RNF125: variants seen among roughly 807,000 people sequenced by gnomAD.
RNF125 encodes the protein ring finger protein 125, also known as E3 ubiquitin-protein ligase RNF125.
Under a neutral mutation model 26.0 loss-of-function variants are expected in RNF125, and 21 were observed. The observed-to-expected ratio is 0.81, with a 90% CI of 0.57 to 1.16. The LOEUF (loss-of-function observed/expected upper bound fraction) is 1.16, where lower values mean the gene tolerates loss of function less well. Ranked by LOEUF, RNF125 falls within the 50% of genes most tolerant of loss-of-function variation. The probability of loss-of-function intolerance (pLI) is 0.00; values close to 1 mark genes in which losing one functional copy is unlikely to be tolerated. For missense variants in RNF125, 270 were observed against 299.4 expected (o/e 0.90, Z 0.72); for synonymous variants, 95 against 109.2 (o/e 0.87, Z 0.81).
At chr18:32,031,530 A>G (rs2039096362) in intron 1 of RNF125, among the ~76,000 whole-genome samples, 1 of 149,882 alleles carries the variant, frequency 6.7e-6, no homozygotes, top group South Asian at 2.1e-4. Flanking sequence ...CTGCTAGTTG[A>G]CAAAAAAACA....
At chr18:32,043,374 T>C (rs2039238835) in intron 3 of RNF125, among the ~76,000 whole-genome samples, 1 of 152,242 alleles carries the variant, frequency 6.6e-6, no homozygotes. Context: ...AAATGTTAGC[T>C]CTGCTCATTT....
At chr18:32,052,754 A>G (rs534727313) in intron 4 of RNF125, among the ~76,000 whole-genome samples, 1 of 152,208 alleles carries the variant, frequency 6.6e-6, no homozygotes, top group African/African-American at 2.4e-5. Context: ...AATCCTTTGC[A>G]TCTTGGAATG....
chr18:32,088,050 A>T, the RNF125 span, among the ~76,000 whole-genome samples: 2,212 of 152,298 alleles, frequency 0.015, 17 homozygotes, highest in Non-Finnish European at 0.022. Flanking sequence ...GTCACTTTGC[A>T]TATATAGCCC....
At chr18:32,048,083 C>T (rs1442498674) in intron 4 of RNF125, among the ~76,000 whole-genome samples, 2 of 151,110 alleles carry the variant, frequency 1.3e-5, no homozygotes, top group South Asian at 2.1e-4. Context: ...GAACTGAGAT[C>T]GTGCCACTGC....
At chr18:32,027,930 GA>G (rs1162035365) in intron 1 of RNF125, among the ~76,000 whole-genome samples, 2 of 149,686 alleles carry the variant, frequency 1.3e-5, no homozygotes, top group Non-Finnish European at 3.0e-5. Flanking sequence ...TTATAAGAGG[GA>G]AAAAAAAACA....
At chr18:32,057,333 C>CTTT (rs531930687) in intron 4 of RNF125, among the ~76,000 whole-genome samples, 1 of 140,640 alleles carries the variant, frequency 7.1e-6, no homozygotes, top group Non-Finnish European at 1.6e-5. Flanking sequence ...CCCCAAATGA[C>CTTT]TTTTTTTTTT....
chr18:32,053,431 G>GAT (rs57270876), intron 4 of RNF125, among the ~76,000 whole-genome samples: 13,869 of 151,906 alleles, frequency 0.091, 2,073 homozygotes, highest in African/African-American at 0.31. Context: ...CACTGAGTAT[G>GAT]ATTATTTTAG....
intron 5 of RNF125, among the ~76,000 whole-genome samples, chr18:32,067,802 T>A (rs1172711168): frequency 6.6e-6 from 1 of 152,202 alleles, no homozygotes; most frequent in Non-Finnish European, 1.5e-5. Context: ...GGGTTCTTAA[T>A]GGTTTTTGTT....
intron 1 of RNF125, among the ~76,000 whole-genome samples, chr18:32,034,544 A>G (rs1308445700): frequency 1.3e-5 from 2 of 152,200 alleles, no homozygotes; most frequent in Non-Finnish European, 2.9e-5. Flanking sequence ...TATTAAGATT[A>G]AATGAATTAA....
At chr18:32,075,867 TA>T, downstream of RNF125, 1 of 903,824 alleles carries the variant, frequency 1.1e-6, no homozygotes, top group Non-Finnish European at 1.8e-6. Context: ...ATTTTATTTG[TA>T]AATATATATT....
chr18:32,075,295 C>T (rs1299888682), downstream of RNF125, among the ~76,000 whole-genome samples: 7 of 152,148 alleles, frequency 4.6e-5, no homozygotes, highest in African/African-American at 1.2e-4. Context: ...TGGTGGCTCA[C>T]GCCTGTAATC....
chr18:32,037,796 A>C (rs2039174223), intron 2 of RNF125, among the ~76,000 whole-genome samples: 1 of 152,162 alleles, frequency 6.6e-6, no homozygotes, highest in African/African-American at 2.4e-5. Flanking sequence ...TGTAAAGTGC[A>C]CCAATCAGCA....
At chr18:32,040,305 T>G (rs2039204463) in intron 2 of RNF125, among the ~76,000 whole-genome samples, 1 of 138,732 alleles carries the variant, frequency 7.2e-6, no homozygotes. Context: ...AGAGTCTTGC[T>G]CTGTCACCCA....
intron 4 of RNF125, among the ~76,000 whole-genome samples, chr18:32,060,709 C>G (rs1469628085): frequency 2.6e-5 from 4 of 152,218 alleles, no homozygotes; most frequent in Admixed American, 2.6e-4. Context: ...TTCTTACCCT[C>G]TCTTCCCTCA....
the RNF125 span, among the ~76,000 whole-genome samples, chr18:32,088,410 C>G: frequency 6.6e-6 from 1 of 152,158 alleles, no homozygotes; most frequent in Non-Finnish European, 1.5e-5. Flanking sequence ...TAAAGCCAGG[C>G]CTTGTCAAGA....
At position 32,031,792 on chromosome 18, in the gene RNF125, C is replaced by T. The variant is rs1220372789; in HGVS notation, c.165-5324C>T. 2.0e-5 allele frequency among the ~76,000 whole-genome samples: 3 copies of T among 152,084 alleles called. No individual in the cohort carries two copies. The South Asian group carries it at 6.2e-4, about 31-fold the overall frequency. On this transcript the variant is annotated intron_variant, in intron 1 of 5. Coordinates refer to ENST00000217740, the MANE Select transcript of RNF125 (RefSeq NM_017831.4). The stretch of plus-strand genomic sequence containing the variant: ...TAGCAGAGAACTTAGATTTCTTGAT[C>T]TTAAAATATTGATCTTCCCAACTGG...
chr18:32,056,674 C>T (rs1414643880), intron 4 of RNF125, among the ~76,000 whole-genome samples: 1 of 131,236 alleles, frequency 7.6e-6, no homozygotes, highest in African/African-American at 2.8e-5. Context: ...TAACATTAAA[C>T]AATAAAAAAG....
chr18:32,047,035 A>C (rs2039279042), intron 4 of RNF125, among the ~76,000 whole-genome samples: 2 of 151,932 alleles, frequency 1.3e-5, no homozygotes, highest in South Asian at 4.2e-4. Context: ...CACCTGCCTA[A>C]TTTTTTGATG....
chr18:32,046,214 CAAAAA>C (rs768054716), intron 4 of RNF125, among the ~76,000 whole-genome samples: 1 of 76,176 alleles, frequency 1.3e-5, no homozygotes, highest in Non-Finnish European at 2.3e-5. Context: ...AAGACTGTCT[CAAAAA>C]AAAAAAAAAA....
Sources: allele counts gnomAD v4.1 joint callset (sites outside exome capture counted in the v4.1 genomes callset), GRCh38; gene constraint gnomAD v4.1.1; transcripts MANE v1.5; gene names NCBI Gene and HGNC (gene_info 2026-07-23, HGNC 2026-07-21).